ARHGAP6: variants seen among roughly 807,000 people sequenced by gnomAD.
The protein encoded by ARHGAP6 is rho GTPase-activating protein 6.
In ARHGAP6, 16 loss-of-function variants were observed where a neutral mutation model predicts 55.7. That is an observed-to-expected ratio of 0.29 (90% CI 0.19 to 0.44). The LOEUF (loss-of-function observed/expected upper bound fraction) is 0.44, where lower values mean the gene tolerates loss of function less well. Among genes scored for constraint, ARHGAP6 ranks in the 20% least tolerant of loss-of-function variants. ARHGAP6 has a pLI of 1.00. For missense variants in ARHGAP6, 698 were observed against 808.9 expected (o/e 0.86, Z 1.66); for synonymous variants, 382 against 360.9 (o/e 1.06, Z -0.66).
At chrX:11,478,381 T>C (rs1220844603) in intron 1 of ARHGAP6, among the ~76,000 whole-genome samples, 1 of 112,287 alleles carries the variant, frequency 8.9e-6, no homozygotes, top group East Asian at 2.8e-4. Flanking sequence ...ACTAATGATG[T>C]CCACAACAAC....
intron 2 of ARHGAP6, chrX:11,223,158 G>A: frequency 5.7e-6 from 1 of 176,733 alleles, no homozygotes; most frequent in Non-Finnish European, 1.1e-5. Context: ...CTGTCTAGCT[G>A]ACATTAAAAA....
chrX:11,489,677 G>A (rs147195317), intron 1 of ARHGAP6, among the ~76,000 whole-genome samples: 1,295 of 112,125 alleles, frequency 0.012, 6 homozygotes, highest in Non-Finnish European at 0.018. Context: ...TAACTGTATG[G>A]TTTTGACTTA....
intron 1 of ARHGAP6, among the ~76,000 whole-genome samples, chrX:11,438,278 C>T (rs927301701): frequency 8.9e-6 from 1 of 112,450 alleles, no homozygotes; most frequent in East Asian, 2.8e-4. Context: ...AGCTGCAAAC[C>T]CATGGAACCA....
At chrX:11,614,662 T>C (rs1301256169) in intron 1 of ARHGAP6, among the ~76,000 whole-genome samples, 2 of 111,949 alleles carry the variant, frequency 1.8e-5, no homozygotes, top group Non-Finnish European at 3.8e-5. Flanking sequence ...ACAGAATGAC[T>C]GTTAAAACAT....
chrX:11,202,751 G>C (rs2046647791), intron 2 of ARHGAP6, among the ~76,000 whole-genome samples: 1 of 79,963 alleles, frequency 1.3e-5, no homozygotes, highest in Non-Finnish European at 2.2e-5. Context: ...AGTGAGCCAA[G>C]ATTGTTCCAC....
intron 1 of ARHGAP6, chrX:11,298,579 G>T: frequency 5.0e-6 from 6 of 1,211,159 alleles, no homozygotes; most frequent in Non-Finnish European, 6.7e-6. Context: ...CCCATGGGTG[G>T]ATGGCTGCAC....
intron 10 of ARHGAP6, among the ~76,000 whole-genome samples, chrX:11,145,804 T>A (rs981066224): frequency 1.8e-5 from 2 of 112,695 alleles, no homozygotes; most frequent in African/African-American, 6.5e-5. Context: ...GTGGGCTTCT[T>A]CTGAGTGTGG....
chrX:11,144,886 A>C (rs185169420), intron 10 of ARHGAP6, among the ~76,000 whole-genome samples: 795 of 112,449 alleles, frequency 7.1e-3, no homozygotes, highest in Non-Finnish European at 0.011. Flanking sequence ...ATTTTATTCA[A>C]ATACATCTAA....
At chrX:11,396,063 T>G (rs927593745) in intron 1 of ARHGAP6, among the ~76,000 whole-genome samples, 1 of 111,512 alleles carries the variant, frequency 9.0e-6, no homozygotes, top group Non-Finnish European at 1.9e-5. Context: ...ATACCACAGA[T>G]AGGCAACTCT....
At chrX:11,573,753 T>C (rs1407803583) in intron 1 of ARHGAP6, among the ~76,000 whole-genome samples, 18 of 110,829 alleles carry the variant, frequency 1.6e-4, no homozygotes, top group African/African-American at 5.9e-4. Flanking sequence ...GGGGATGGCA[T>C]TGAATCTATA....
intron 1 of ARHGAP6, among the ~76,000 whole-genome samples, chrX:11,332,248 C>CT (rs1341050274): frequency 1.8e-5 from 2 of 111,910 alleles, no homozygotes; most frequent in Non-Finnish European, 3.8e-5. Flanking sequence ...TTATTCAATC[C>CT]TTTTTTGTAG....
chrX:11,508,758 C>T (rs1603236278), intron 1 of ARHGAP6, among the ~76,000 whole-genome samples: 2 of 108,623 alleles, frequency 1.8e-5, no homozygotes, highest in Admixed American at 2.0e-4. Flanking sequence ...CTTCCTCAGC[C>T]CCACCCCTTT....
In ARHGAP6 at chrX:11,541,886, A is replaced by T. The variant is rs184105934; in HGVS notation, c.588+122355T>A. Reference sequence around the variant, plus strand: ...TTTTTAAAATCACTGCAAACACTGTATAAGCGTTTGGTTTCAAAATGTCAG... The same window carrying T: ...TTTTTAAAATCACTGCAAACACTGTTTAAGCGTTTGGTTTCAAAATGTCAG... On this transcript the variant is annotated intron_variant, in intron 1 of 12. Coordinates refer to ENST00000337414, the MANE Select transcript of ARHGAP6 (RefSeq NM_013427.3). Among the ~76,000 whole-genome samples the T allele has an allele frequency of 9.9e-4, 111 of 112,569 alleles. No homozygotes were observed. In the Admixed American group the frequency reaches 0.01, roughly 11 times the overall value.
chrX:11,373,293 A>G (rs1362747944), intron 1 of ARHGAP6, among the ~76,000 whole-genome samples: 1 of 110,182 alleles, frequency 9.1e-6, no homozygotes, highest in Non-Finnish European at 1.9e-5. Flanking sequence ...AAAATGTAAA[A>G]CAGGAGATCT....
In ARHGAP6 at chrX:11,278,578, A is replaced by G. The variant is rs1405282258; in HGVS notation, c.589-23871T>C. 2.7e-5 allele frequency among the ~76,000 whole-genome samples: 3 copies of G among 111,980 alleles called. No homozygotes were observed. The East Asian group carries it at 8.4e-4, about 31-fold the overall frequency. ...AATGTGTATTGTTTCATGGCACTAA[A>G]TTTATGGTAATTTGTCACAGCCATG... On this transcript the variant is annotated intron_variant, in intron 1 of 12. Transcript: ENST00000337414.
At chrX:11,538,391 T>G (rs2051124621) in intron 1 of ARHGAP6, among the ~76,000 whole-genome samples, 1 of 111,395 alleles carries the variant, frequency 9.0e-6, no homozygotes, top group Admixed American at 9.6e-5. Flanking sequence ...AAATTATATT[T>G]TCTTTGATTT....
intron 2 of ARHGAP6, among the ~76,000 whole-genome samples, chrX:11,215,340 G>A (rs2046865350): frequency 8.9e-6 from 1 of 112,859 alleles, no homozygotes. Flanking sequence ...GAGCAGGGCC[G>A]AGCTCTGTCT....
chrX:11,518,889 G>C (rs2050879683), intron 1 of ARHGAP6, among the ~76,000 whole-genome samples: 1 of 89,086 alleles, frequency 1.1e-5, no homozygotes, highest in Admixed American at 1.3e-4. Context: ...GCAGTGTTTG[G>C]TTTTTTGTTC....
At chrX:11,296,326 T>C (rs1440370046) in intron 1 of ARHGAP6, among the ~76,000 whole-genome samples, 1 of 112,435 alleles carries the variant, frequency 8.9e-6, no homozygotes, top group Non-Finnish European at 1.9e-5. Context: ...AATTCTCTCC[T>C]TGTTGATATT....
Sources: allele counts gnomAD v4.1 joint callset (sites outside exome capture counted in the v4.1 genomes callset), GRCh38; gene constraint gnomAD v4.1.1; transcripts MANE v1.5; gene names NCBI Gene and HGNC (gene_info 2026-07-23, HGNC 2026-07-21).